ACSM1: variants seen among roughly 807,000 people sequenced by gnomAD.
The protein encoded by ACSM1 is acyl-CoA synthetase medium chain family member 1, also known as acyl-coenzyme A synthetase ACSM1, mitochondrial.
A neutral mutation model predicts 75.8 loss-of-function variants in ACSM1; 79 were observed. The ratio of observed to expected loss-of-function variants is 1.04; its 90% CI spans 0.87 to 1.26. The LOEUF is 1.26. ACSM1 is among the 50% of genes most tolerant of loss of function. The pLI, the probability that ACSM1 is intolerant of heterozygous loss-of-function variation, is 0.00. For missense variants in ACSM1, 676 were observed against 720.1 expected (o/e 0.94, Z 0.70); for synonymous variants, 279 against 265.8 (o/e 1.05, Z -0.48).
Position 20,631,397 on chromosome 16 carries a change from G to C in ACSM1, c.1300-4081C>G, listed in dbSNP as rs569275155. Among the ~76,000 whole-genome samples, 5 of 152,304 alleles carry C rather than the reference G, an allele frequency of 3.3e-5. No individual in the cohort carries two copies. The South Asian group carries it at 1.0e-3, about 32-fold the overall frequency. ...AACAATAGATTTTGGCATGGTTGTG[G>C]GAACACTTTTACACTGCTGGTGGGA... On this transcript the variant is annotated intron_variant, in intron 10 of 13. Transcript: ENST00000520010.
At chr16:20,659,999 C>T (rs534332359) in intron 7 of ACSM1, among the ~76,000 whole-genome samples, 22 of 152,320 alleles carry the variant, frequency 1.4e-4, no homozygotes, top group South Asian at 8.3e-4. Context: ...TGATGTCTCA[C>T]GCCTCCCTAA....
chr16:20,633,318 T>G (rs1366801127), intron 10 of ACSM1, among the ~76,000 whole-genome samples: 3 of 152,150 alleles, frequency 2.0e-5, no homozygotes, highest in African/African-American at 7.2e-5. Context: ...TTCAGTAAAC[T>G]TGTAAAAAAC....
At chr16:20,649,613 A>C (rs898344623) in intron 7 of ACSM1, among the ~76,000 whole-genome samples, 2 of 152,158 alleles carry the variant, frequency 1.3e-5, no homozygotes, top group Non-Finnish European at 2.9e-5. Context: ...TGGTCTCCAC[A>C]AACCTTTATC....
intron 7 of ACSM1, among the ~76,000 whole-genome samples, chr16:20,647,291 T>G (rs1159652910): frequency 6.6e-6 from 1 of 152,192 alleles, no homozygotes; most frequent in Non-Finnish European, 1.5e-5. Flanking sequence ...TCGCCCAGTA[T>G]GAGCCATGAG....
chr16:20,669,036 G>A (rs2019727997), intron 6 of ACSM1, among the ~76,000 whole-genome samples: 1 of 152,108 alleles, frequency 6.6e-6, no homozygotes, highest in Non-Finnish European at 1.5e-5. Context: ...ATTTTGAGAG[G>A]TGGAGGGCAA....
chr16:20,637,250 G>GATTAAAA (rs5816131), intron 9 of ACSM1, 121 bp downstream of exon 9: 8 of 860,866 alleles, frequency 9.3e-6, no homozygotes, highest in African/African-American at 8.3e-5. Context: ...AGGGATAAAT[G>GATTAAAA]AGAAGAGAGG....
At chr16:20,628,988 A>C (rs990919599) in intron 10 of ACSM1, among the ~76,000 whole-genome samples, 3 of 152,148 alleles carry the variant, frequency 2.0e-5, no homozygotes, top group Non-Finnish European at 4.4e-5. Context: ...AAAAACATCA[A>C]ATTACATCCC....
At chr16:20,666,251 G>A (rs1023526938) in intron 6 of ACSM1, among the ~76,000 whole-genome samples, 24 of 152,068 alleles carry the variant, frequency 1.6e-4, no homozygotes, top group Admixed American at 1.2e-3. Flanking sequence ...CTACCAAAGG[G>A]TTCCTGGAAC....
At chr16:20,658,227 G>C (rs963764039) in intron 7 of ACSM1, among the ~76,000 whole-genome samples, 11 of 152,188 alleles carry the variant, frequency 7.2e-5, no homozygotes, top group Admixed American at 3.9e-4. Context: ...CCCACCAACA[G>C]TGTAAAAGTG....
chr16:20,673,922 T>C, intron 4 of ACSM1: 1 of 283,068 alleles, frequency 3.5e-6, no homozygotes, highest in Non-Finnish European at 7.2e-6. Flanking sequence ...AAGGTTGACT[T>C]GCTGAAAAAT....
intron 10 of ACSM1, among the ~76,000 whole-genome samples, chr16:20,632,640 C>A (rs2017418259): frequency 6.6e-6 from 1 of 152,180 alleles, no homozygotes; most frequent in African/African-American, 2.4e-5. Flanking sequence ...CCTTTTCCAA[C>A]TCTTTTTACA....
chr16:20,643,046 C>T (rs1207015312), intron 7 of ACSM1, among the ~76,000 whole-genome samples: 1 of 152,226 alleles, frequency 6.6e-6, no homozygotes, highest in Non-Finnish European at 1.5e-5. Context: ...CCAGGGTCAA[C>T]CAACTTGTTG....
chr16:20,638,973 C>T (rs1185256137), intron 8 of ACSM1, among the ~76,000 whole-genome samples: 1 of 152,158 alleles, frequency 6.6e-6, no homozygotes, highest in East Asian at 1.9e-4. Flanking sequence ...CAGCATTTTT[C>T]AGGTCTGGAA....
intron 6 of ACSM1, among the ~76,000 whole-genome samples, chr16:20,668,275 T>C (rs956160153): frequency 3.9e-5 from 6 of 152,238 alleles, no homozygotes; most frequent in Non-Finnish European, 5.9e-5. Flanking sequence ...GTAATGCAAA[T>C]GCTTTTTTGG....
At chr16:20,659,990 G>C (rs1330843693) in intron 7 of ACSM1, among the ~76,000 whole-genome samples, 2 of 152,172 alleles carry the variant, frequency 1.3e-5, no homozygotes, top group Admixed American at 1.3e-4. Flanking sequence ...GTATTTGATT[G>C]ATGTCTCACG....
At chr16:20,694,257 G>A (rs1387684428) in intron 1 of ACSM1, among the ~76,000 whole-genome samples, 1 of 152,198 alleles carries the variant, frequency 6.6e-6, no homozygotes, top group Non-Finnish European at 1.5e-5. Flanking sequence ...ACAGCAGTAG[G>A]GTGGATGCGT....
intron 11 of ACSM1, 54 bp downstream of exon 11, chr16:20,627,134 AT>A: frequency 6.8e-7 from 1 of 1,474,674 alleles, no homozygotes. Flanking sequence ...GGTAAGCAAA[AT>A]TCCGTGAGGC....
rs568460268 is a variant in ACSM1 at position 20,637,588 on chromosome 16, G to A, written c.1117-137C>T. 2.2e-4 allele frequency: 170 copies of A among 780,828 alleles called. 1 individual carries two copies. The African/African-American group carries it at 2.6e-3, about 12-fold the overall frequency. The allele number at this position is 780,828 out of a possible 1,614,324, so 48.4% of individuals were successfully genotyped here. On this transcript the variant is annotated intron_variant, in intron 8 of 13. Transcript: ENST00000520010. ...GGATGCTGCCCAAAGAGCCCTCGTA[G>A]GGAAGCTGGAAGGCCTTAGTCTAGG...
chr16:20,656,721 C>T (rs182963187), intron 7 of ACSM1, among the ~76,000 whole-genome samples: 2 of 152,262 alleles, frequency 1.3e-5, no homozygotes, highest in East Asian at 1.9e-4. Context: ...ACTCATTTGA[C>T]ATCCCGCTGG....
Sources: allele counts gnomAD v4.1 joint callset (sites outside exome capture counted in the v4.1 genomes callset), GRCh38; gene constraint gnomAD v4.1.1; transcripts MANE v1.5; gene names NCBI Gene and HGNC (gene_info 2026-07-23, HGNC 2026-07-21).